Variants in ANKRD13C observed in about 807,000 individuals in gnomAD.
ANKRD13C encodes the protein ankyrin repeat domain 13C.
ANKRD13C carries 16 observed loss-of-function variants against 65.5 expected under a neutral mutation model. The ratio of observed to expected loss-of-function variants is 0.24; its 90% confidence interval spans 0.17 to 0.37. The LOEUF is 0.37. Ranked by LOEUF, ANKRD13C falls within the 10% of genes least tolerant of loss-of-function variation. The pLI, the probability that ANKRD13C is intolerant of heterozygous loss-of-function variation, is 1.00. For synonymous variants in ANKRD13C, 235 were observed against 238.7 expected (o/e 0.98, Z 0.14); for missense variants, 503 against 655.9 (o/e 0.77, Z 2.55).
At chr1:70,287,890 C>T (rs540058418) in intron 9 of ANKRD13C, among the ~76,000 whole-genome samples, 1 of 152,038 alleles carries the variant, frequency 6.6e-6, no homozygotes, top group Non-Finnish European at 1.5e-5. Flanking sequence ...CATGGTGATG[C>T]ATGCGTGTAA....
intron 9 of ANKRD13C, among the ~76,000 whole-genome samples, chr1:70,280,099 G>C (rs1679322914): frequency 6.6e-6 from 1 of 152,160 alleles, no homozygotes; most frequent in Non-Finnish European, 1.5e-5. Context: ...TGGAAAGAAA[G>C]GAAACAGAGT....
At chr1:70,311,760 G>T (rs752874043) in intron 5 of ANKRD13C, among the ~76,000 whole-genome samples, 8 of 152,198 alleles carry the variant, frequency 5.3e-5, no homozygotes, top group Non-Finnish European at 1.0e-4. Flanking sequence ...GTAAACTGAG[G>T]ATAATTTTAG....
intron 1 of ANKRD13C, among the ~76,000 whole-genome samples, chr1:70,350,797 C>T (rs1258603083): frequency 1.3e-5 from 2 of 152,126 alleles, no homozygotes; most frequent in Non-Finnish European, 2.9e-5. Flanking sequence ...GAGATTTATA[C>T]TATATAACTT....
intron 1 of ANKRD13C, among the ~76,000 whole-genome samples, chr1:70,338,836 T>C (rs1263193673): frequency 1.3e-5 from 2 of 152,200 alleles, no homozygotes; most frequent in Non-Finnish European, 2.9e-5. Flanking sequence ...AGTAACAATT[T>C]CCAATTTGAT....
At chr1:70,348,063 AT>A (rs919692384) in intron 1 of ANKRD13C, among the ~76,000 whole-genome samples, 3 of 151,732 alleles carry the variant, frequency 2.0e-5, no homozygotes, top group South Asian at 2.1e-4. Context: ...AGTAGCTAAA[AT>A]TTTTTTTTCC....
At chr1:70,328,136 T>C (rs979964348) in intron 2 of ANKRD13C, among the ~76,000 whole-genome samples, 3 of 152,096 alleles carry the variant, frequency 2.0e-5, no homozygotes, top group African/African-American at 7.2e-5. Flanking sequence ...ATGTTAATTA[T>C]TGAGTCTATA....
At position 70,354,141 on chromosome 1, in the gene ANKRD13C, G is replaced by C; in HGVS notation, c.268C>G (p.Gln90Glu). 1.9e-6 allele frequency: 3 copies of C among 1,614,076 alleles called. No homozygotes were observed. The South Asian group carries it at 3.3e-5, about 18-fold the overall frequency. The change falls in exon 1 of 13, where the codon CAG (glutamine) becomes GAG (glutamate). Residue 90 changes from glutamine to glutamate, a missense_variant. Gln to Glu is a conservative substitution (Grantham distance 29). Coordinates refer to ENST00000370944, the MANE Select transcript of ANKRD13C (RefSeq NM_030816.5). ...LHNSSVTANS[Q>E]SPALLAGTNP... Reference sequence around the variant, plus strand: ...GTGCCGGCCAGAAGGGCCGGGGACTGGGAGTTGGCAGTCACGGAGGAATTG... The same window carrying C: ...GTGCCGGCCAGAAGGGCCGGGGACTCGGAGTTGGCAGTCACGGAGGAATTG...
intron 12 of ANKRD13C, among the ~76,000 whole-genome samples, chr1:70,266,108 G>A (rs915312680): frequency 6.6e-6 from 1 of 152,154 alleles, no homozygotes; most frequent in South Asian, 2.1e-4. Context: ...GGATCCCACA[G>A]TGTTGCCCTT....
At chr1:70,313,818 A>T in intron 4 of ANKRD13C, 28 bp from the exon 5 acceptor site, 4 of 1,557,296 alleles carry the variant, frequency 2.6e-6, no homozygotes, top group Non-Finnish European at 3.5e-6. Flanking sequence ...AATAATTACT[A>T]AATGCACCTT....
At chr1:70,330,864 T>C (rs1234184463) in intron 2 of ANKRD13C, among the ~76,000 whole-genome samples, 1 of 152,144 alleles carries the variant, frequency 6.6e-6, no homozygotes. Flanking sequence ...TTTTTCTATA[T>C]CATCTCGTAA....
chr1:70,279,158 G>C (rs931748131), intron 9 of ANKRD13C, among the ~76,000 whole-genome samples: 1 of 151,884 alleles, frequency 6.6e-6, no homozygotes, highest in African/African-American at 2.4e-5. Context: ...AGTGAGCCGA[G>C]ATCATGCCAC....
intron 5 of ANKRD13C, among the ~76,000 whole-genome samples, chr1:70,306,859 A>G (rs1177978781): frequency 1.3e-5 from 2 of 152,208 alleles, no homozygotes; most frequent in Admixed American, 6.5e-5. Context: ...GTTGCTATCT[A>G]TAGCTCATAT....
At chr1:70,340,642 C>T (rs371728406) in intron 1 of ANKRD13C, among the ~76,000 whole-genome samples, 2 of 152,136 alleles carry the variant, frequency 1.3e-5, no homozygotes, top group African/African-American at 4.8e-5. Context: ...TTAAAAATCT[C>T]CCACTATAAT....
At chr1:70,312,600 C>G (rs1407471699) in intron 5 of ANKRD13C, among the ~76,000 whole-genome samples, 1 of 151,180 alleles carries the variant, frequency 6.6e-6, no homozygotes, top group African/African-American at 2.4e-5. Flanking sequence ...AATTCTTTGC[C>G]CAAAGTTCCT....
intron 1 of ANKRD13C, among the ~76,000 whole-genome samples, chr1:70,340,695 C>T (rs534471058): frequency 3.3e-5 from 5 of 152,178 alleles, no homozygotes; most frequent in East Asian, 1.9e-4. Context: ...AAGTTTTGCT[C>T]GATATATTTT....
At chr1:70,313,857 T>C in intron 4 of ANKRD13C, 67 bp from the exon 5 acceptor site, 4 of 1,166,666 alleles carry the variant, frequency 3.4e-6, no homozygotes, top group Non-Finnish European at 5.2e-6. Flanking sequence ...TTTAAAAATA[T>C]GGCTATTCCT....
chr1:70,263,928 T>C (rs972290330), intron 12 of ANKRD13C, among the ~76,000 whole-genome samples: 1 of 152,210 alleles, frequency 6.6e-6, no homozygotes, highest in African/African-American at 2.4e-5. Flanking sequence ...CAGAAAGTTA[T>C]GTTCTTATGT....
intron 2 of ANKRD13C, among the ~76,000 whole-genome samples, chr1:70,334,784 T>A (rs1001316931): frequency 6.6e-6 from 1 of 151,980 alleles, no homozygotes; most frequent in Admixed American, 6.6e-5. Context: ...ATTAGCCCTA[T>A]AATCCCAGCT....
At chr1:70,304,534 C>CTA (rs1680508845) in intron 6 of ANKRD13C, among the ~76,000 whole-genome samples, 1 of 151,788 alleles carries the variant, frequency 6.6e-6, no homozygotes, top group Non-Finnish European at 1.5e-5. Context: ...GTAGCTGGAA[C>CTA]TATAGGCACG....
Sources: gnomAD v4.1 joint callset for allele counts (sites outside exome capture counted in the v4.1 genomes callset) on GRCh38, gnomAD v4.1.1 for gene constraint, MANE v1.5 for transcripts, NCBI Gene and HGNC (gene_info 2026-07-23, HGNC 2026-07-21) for gene names.